Variants in IMMP2L observed in about 807,000 individuals in gnomAD.
IMMP2L encodes mitochondrial inner membrane protease subunit 2.
In IMMP2L, 18 loss-of-function variants were observed where a neutral mutation model predicts 19.3. The observed-to-expected ratio is 0.93, with a 90% confidence interval of 0.64 to 1.38. IMMP2L has a LOEUF of 1.38. Ranked by LOEUF, IMMP2L falls within the 40% of genes most tolerant of loss-of-function variation. IMMP2L has a pLI of 0.00. For missense variants in IMMP2L, 233 were observed against 218.2 expected, an observed-to-expected ratio of 1.07 and a Z score of -0.43; for synonymous variants, 76 against 73.0, an observed-to-expected ratio of 1.04 and a Z score of -0.21.
chr7:110,930,005 T>C (rs753679689), intron 4 of IMMP2L, among the ~76,000 whole-genome samples: 2 of 152,152 alleles, frequency 1.3e-5, no homozygotes, highest in Admixed American at 6.5e-5. Flanking sequence ...GGGAGGTAGA[T>C]TTAGTCTTAG....
chr7:111,406,810 T>C (rs1833936480), intron 3 of IMMP2L, among the ~76,000 whole-genome samples: 1 of 152,066 alleles, frequency 6.6e-6, no homozygotes. Flanking sequence ...TTCTGGGATT[T>C]GCATGCATTT....
chr7:111,219,162 T>G (rs1478256726), intron 3 of IMMP2L, among the ~76,000 whole-genome samples: 1 of 152,072 alleles, frequency 6.6e-6, no homozygotes, highest in African/African-American at 2.4e-5. Context: ...CAAGTTATTT[T>G]TACATGGAAA....
At chr7:110,931,476 G>A (rs1401413532) in intron 4 of IMMP2L, among the ~76,000 whole-genome samples, 2 of 152,046 alleles carry the variant, frequency 1.3e-5, no homozygotes, top group African/African-American at 4.8e-5. Context: ...TGTTCAGATT[G>A]AAATCCAAAG....
rs927826185 is a variant in IMMP2L at position 111,268,487 on chromosome 7, TAAAAAAAAAAA to T, written c.239+218740_239+218750del. Among the ~76,000 whole-genome samples the T allele has an allele frequency of 8.0e-5, 5 of 62,400 alleles. 1 individual carries two copies. The highest frequency in any genetic ancestry group is 2.9e-4 in the African/African-American group (5 of 17,500). The allele number at this position is 62,400 out of a possible 152,430, so 40.9% of individuals were successfully genotyped here. A position where few individuals can be genotyped will look rare whatever the true frequency, so the allele number is the denominator to read the frequency against. On this transcript the variant is annotated intron_variant, in intron 3 of 5. Transcript: ENST00000405709. Reference sequence around the variant, plus strand: ...AATTTTGTTTTTGTCGTTTATCTAATAAAAAAAAAAAAAAAAAAAAAGGAGCCAGAAGCGAA... The same window carrying T: ...AATTTTGTTTTTGTCGTTTATCTAATAAAAAAAAAAGGAGCCAGAAGCGAA...
intron 3 of IMMP2L, among the ~76,000 whole-genome samples, chr7:111,098,636 CATT>C (rs1797649337): frequency 6.6e-6 from 1 of 151,746 alleles, no homozygotes. Flanking sequence ...CTGTGCCAAA[CATT>C]ATGCTAAGCA....
intron 4 of IMMP2L, among the ~76,000 whole-genome samples, chr7:110,907,731 G>C (rs796543715): frequency 1.2e-4 from 19 of 152,218 alleles, no homozygotes; most frequent in African/African-American, 4.6e-4. Context: ...ACCAGTACTT[G>C]CTATATAGTA....
At chr7:111,488,635 C>T (rs763306983) in intron 2 of IMMP2L, among the ~76,000 whole-genome samples, 3 of 152,094 alleles carry the variant, frequency 2.0e-5, no homozygotes, top group South Asian at 2.1e-4. Context: ...CTGCTATAAA[C>T]GTGCGTGCAA....
intron 3 of IMMP2L, among the ~76,000 whole-genome samples, chr7:111,039,993 C>T (rs1043564997): frequency 1.4e-4 from 22 of 152,090 alleles, no homozygotes; most frequent in African/African-American, 4.1e-4. Context: ...CAGTGAAACC[C>T]GTCTCTACTA....
At chr7:111,052,756 TAGTATC>T (rs1793115400) in intron 3 of IMMP2L, among the ~76,000 whole-genome samples, 1 of 152,172 alleles carries the variant, frequency 6.6e-6, no homozygotes, top group Non-Finnish European at 1.5e-5. Flanking sequence ...TTTTGGTCAC[TAGTATC>T]AATAGTAATA....
chr7:111,329,176 G>A (rs963333317), intron 3 of IMMP2L, among the ~76,000 whole-genome samples: 7 of 151,900 alleles, frequency 4.6e-5, no homozygotes, highest in Non-Finnish European at 7.4e-5. Context: ...TATTAAGAAT[G>A]CATTAATAGA....
chr7:111,498,079 T>C (rs981051879), intron 2 of IMMP2L, among the ~76,000 whole-genome samples: 8 of 152,046 alleles, frequency 5.3e-5, no homozygotes. Context: ...TATCCTCTTA[T>C]TACTAATATT....
intron 5 of IMMP2L, among the ~76,000 whole-genome samples, chr7:110,865,888 A>G (rs1807933012): frequency 1.3e-5 from 2 of 151,896 alleles, no homozygotes; most frequent in South Asian, 4.1e-4. Flanking sequence ...CAGTATACTT[A>G]AGTATAGGCT....
chr7:111,135,257 C>G (rs1586505260), intron 3 of IMMP2L, among the ~76,000 whole-genome samples: 1 of 152,264 alleles, frequency 6.6e-6, no homozygotes, highest in African/African-American at 2.4e-5. Flanking sequence ...CTACTGATTA[C>G]ATATCTATAA....
intron 3 of IMMP2L, among the ~76,000 whole-genome samples, chr7:111,465,090 C>T (rs549601283): frequency 2.1e-4 from 32 of 152,218 alleles, no homozygotes; most frequent in Non-Finnish European, 4.0e-4. Flanking sequence ...CCACCGCGTC[C>T]GGCCAACACA....
At chr7:110,815,019 T>C (rs530117575) in intron 5 of IMMP2L, among the ~76,000 whole-genome samples, 70 of 152,138 alleles carry the variant, frequency 4.6e-4, no homozygotes, top group African/African-American at 1.6e-3. Flanking sequence ...AACTGTGAGA[T>C]GCCGAGAGAG....
At chr7:111,078,512 T>C (rs922618440) in intron 3 of IMMP2L, among the ~76,000 whole-genome samples, 2 of 152,150 alleles carry the variant, frequency 1.3e-5, no homozygotes, top group Non-Finnish European at 2.9e-5. Context: ...ATAGTATTAA[T>C]ATGGGCACTA....
intron 3 of IMMP2L, among the ~76,000 whole-genome samples, chr7:111,478,448 G>A (rs1447972678): frequency 1.3e-5 from 2 of 151,946 alleles, no homozygotes; most frequent in Non-Finnish European, 1.5e-5. Context: ...CTGGAATGCA[G>A]TGGTTAGACC....
intron 5 of IMMP2L, among the ~76,000 whole-genome samples, chr7:110,761,188 G>A (rs1232908810): frequency 2.0e-5 from 3 of 152,240 alleles, no homozygotes; most frequent in Non-Finnish European, 4.4e-5. Context: ...TGGTTTCTCA[G>A]TCTGTAGAAT....
At chr7:110,799,118 C>G (rs960321733) in intron 5 of IMMP2L, among the ~76,000 whole-genome samples, 9 of 151,984 alleles carry the variant, frequency 5.9e-5, no homozygotes, top group African/African-American at 2.2e-4. Context: ...ATCTCAAATA[C>G]CAGTTATCTC....
Sources: gnomAD v4.1 joint callset for allele counts (sites outside exome capture counted in the v4.1 genomes callset) on GRCh38, gnomAD v4.1.1 for gene constraint, MANE v1.5 for transcripts, NCBI Gene and HGNC (gene_info 2026-07-23, HGNC 2026-07-21) for gene names.